The following UBP1 variants were observed in gnomAD, a reference collection of about 807,000 sequenced individuals.
The protein encoded by UBP1 is upstream-binding protein 1.
A neutral mutation model predicts 76.1 loss-of-function variants in UBP1; 22 were observed. That is an observed-to-expected ratio of 0.29 (90% CI 0.21 to 0.41). The LOEUF (loss-of-function observed/expected upper bound fraction) is 0.41. Ranked by LOEUF, UBP1 falls within the 10% of genes least tolerant of loss-of-function variation. The probability of loss-of-function intolerance (pLI) is 1.00; values close to 1 mark genes in which losing one functional copy is unlikely to be tolerated. For synonymous variants in UBP1, 224 were observed against 237.1 expected, an observed-to-expected ratio of 0.94 and a Z score of 0.51; for missense variants, 436 against 668.1, an observed-to-expected ratio of 0.65 and a Z score of 3.83.
At chr3:33,439,679 C>G in intron 1 of UBP1, 57 bp downstream of exon 1, 1 of 1,575,380 alleles carries the variant, frequency 6.3e-7, no homozygotes, top group Non-Finnish European at 8.7e-7. Context: ...AGACTCAGGG[C>G]TGCGCAGGCC....
At chr3:33,423,100 G>C (rs1457863425) in intron 2 of UBP1, among the ~76,000 whole-genome samples, 2 of 151,118 alleles carry the variant, frequency 1.3e-5, no homozygotes, top group African/African-American at 4.9e-5. Flanking sequence ...GGAGTGCAGT[G>C]GTGTGATCTT....
chr3:33,401,196 C>T (rs775696983), intron 9 of UBP1, among the ~76,000 whole-genome samples, 180 bp from the exon 10 acceptor site: 8 of 152,054 alleles, frequency 5.3e-5, no homozygotes, highest in East Asian at 1.9e-4. Context: ...GACATGATGA[C>T]GAAATTAAGA....
intron 1 of UBP1, among the ~76,000 whole-genome samples, 193 bp downstream of exon 1, chr3:33,439,543 C>G (rs1188684713): frequency 6.6e-6 from 1 of 152,244 alleles, no homozygotes; most frequent in Non-Finnish European, 1.5e-5. Flanking sequence ...CATCCTCCCC[C>G]ACCCGCCCGT....
rs1342294721 is a variant in UBP1 at position 33,397,056 on chromosome 3, T to G, written c.1260A>C (p.Ser420=). Residue 420 remains serine, a synonymous_variant, in exon 12 of 16, where the codon TCA becomes TCC. Transcript: ENST00000283629. Reference sequence around the variant, plus strand: ...TCACAGTATTTTACCTTGACTTCAGTGAATTATAGAGCCGAATTCCATCGG... The same window carrying G: ...TCACAGTATTTTACCTTGACTTCAGGGAATTATAGAGCCGAATTCCATCGG... ...GAADGIRLYN[S]LKSRSVRPRL... 6.3e-7 allele frequency: 1 copy of G among 1,592,924 alleles called. No homozygotes were observed. The highest frequency in any genetic ancestry group is 8.5e-7 in the Non-Finnish European group (1 of 1,171,606).
intron 1 of UBP1, among the ~76,000 whole-genome samples, chr3:33,433,370 A>T (rs1187462507): frequency 8.5e-4 from 126 of 148,168 alleles, no homozygotes; most frequent in African/African-American, 1.7e-3. Context: ...GCCTTTAAAA[A>T]AAAAAAAAAA....
At chr3:33,426,579 C>T (rs111429603) in intron 1 of UBP1, among the ~76,000 whole-genome samples, 2,118 of 152,274 alleles carry the variant, frequency 0.014, 21 homozygotes, top group South Asian at 0.027. Flanking sequence ...CATTAGTAGT[C>T]ACTCACCATA....
chr3:33,408,149 G>C (rs749652550), intron 8 of UBP1, among the ~76,000 whole-genome samples: 10 of 151,964 alleles, frequency 6.6e-5, no homozygotes, highest in Non-Finnish European at 1.2e-4. Flanking sequence ...TGCCAAACAG[G>C]CTCTTAGAAG....
upstream of UBP1, chr3:33,440,808 T>C (rs2045288516): frequency 6.6e-6 from 1 of 152,246 alleles, no homozygotes; most frequent in East Asian, 1.9e-4. Flanking sequence ...TTGGACTGCA[T>C]GGTAGAAAGC....
chr3:33,415,326 G>A (rs900223414), intron 3 of UBP1, among the ~76,000 whole-genome samples: 2 of 152,198 alleles, frequency 1.3e-5, no homozygotes, highest in African/African-American at 4.8e-5. Context: ...TGGTCTGGAT[G>A]TCAAAGTTTG....
intron 13 of UBP1, among the ~76,000 whole-genome samples, chr3:33,394,766 G>T (rs1209053895): frequency 6.7e-6 from 1 of 150,336 alleles, no homozygotes; most frequent in Non-Finnish European, 1.5e-5. Flanking sequence ...ATGATCTAGA[G>T]CAGGTGTCAC....
chr3:33,396,116 C>G (rs753420743), intron 13 of UBP1, 46 bp downstream of exon 13: 1 of 1,481,118 alleles, frequency 6.8e-7, no homozygotes, highest in Non-Finnish European at 9.2e-7. Flanking sequence ...CCGTTTCTGT[C>G]TGACAGTCTC....
chr3:33,434,554 T>A (rs750823511), intron 1 of UBP1, among the ~76,000 whole-genome samples: 38 of 151,884 alleles, frequency 2.5e-4, no homozygotes, highest in Non-Finnish European at 4.7e-4. Context: ...CCCAAAGTGC[T>A]GGGATTACAA....
intron 1 of UBP1, among the ~76,000 whole-genome samples, chr3:33,433,004 T>C (rs2045138720): frequency 6.6e-6 from 1 of 151,970 alleles, no homozygotes; most frequent in Non-Finnish European, 1.5e-5. Flanking sequence ...GAGTAATAAC[T>C]AGTTTTGTCA....
chr3:33,407,819 T>C (rs2044467820), intron 8 of UBP1, among the ~76,000 whole-genome samples: 1 of 152,244 alleles, frequency 6.6e-6, no homozygotes, highest in Non-Finnish European at 1.5e-5. Flanking sequence ...CAGTCACGAA[T>C]ACATATGATG....
At chr3:33,421,155 GA>G (rs1314890990) in intron 2 of UBP1, among the ~76,000 whole-genome samples, 1 of 152,186 alleles carries the variant, frequency 6.6e-6, no homozygotes, top group Non-Finnish European at 1.5e-5. Context: ...TGCCCAAAGG[GA>G]AAGCCAGCTA....
intron 2 of UBP1, among the ~76,000 whole-genome samples, chr3:33,423,242 G>A (rs1050343695): frequency 1.3e-5 from 2 of 152,102 alleles, no homozygotes; most frequent in African/African-American, 4.8e-5. Context: ...GTTTCACCAT[G>A]TTGGCCAGGA....
chr3:33,439,605 G>A (rs895030828), intron 1 of UBP1, 131 bp downstream of exon 1: 65 of 962,730 alleles, frequency 6.8e-5, no homozygotes, highest in Non-Finnish European at 7.2e-5. Context: ...ACCGCCACGC[G>A]GCAGGACTCC....
chr3:33,414,149 C>A (rs1479745493), intron 3 of UBP1: 1 of 152,022 alleles, frequency 6.6e-6, no homozygotes, highest in East Asian at 1.9e-4. Context: ...AAGAAAAATT[C>A]TAGCATTATA....
At chr3:33,429,898 T>C (rs549084737) in intron 1 of UBP1, among the ~76,000 whole-genome samples, 19 of 152,326 alleles carry the variant, frequency 1.2e-4, no homozygotes, top group Middle Eastern at 3.4e-3. Flanking sequence ...TATGTGAATG[T>C]ACTGATTTTC....
Sources: gnomAD v4.1 joint callset for allele counts (sites outside exome capture counted in the v4.1 genomes callset) on GRCh38, gnomAD v4.1.1 for gene constraint, MANE v1.5 for transcripts, NCBI Gene and HGNC (gene_info 2026-07-23, HGNC 2026-07-21) for gene names.